Variants in CCN2 observed in about 807,000 individuals in gnomAD.
CCN2 encodes the protein CCN family member 2.
A neutral mutation model predicts 33.2 loss-of-function variants in CCN2; 22 were observed. The observed-to-expected ratio is 0.66, with a 90% CI of 0.47 to 0.95. The LOEUF is 0.95. Among genes scored for constraint, CCN2 ranks in the 40% least tolerant of loss-of-function variants. The pLI is 0.00. For synonymous variants in CCN2, 178 were observed against 200.6 expected, an observed-to-expected ratio of 0.89 and a Z score of 0.95; for missense variants, 469 against 498.8, an observed-to-expected ratio of 0.94 and a Z score of 0.57.
At position 131,949,264 on chromosome 6, in the gene CCN2, T is replaced by C; in HGVS notation, c.1050A>G (p.Ter350TrpextTer16). The C allele has an allele frequency of 6.2e-7, 1 of 1,612,684 alleles. No individual in the cohort carries two copies. Residue 350 changes from the stop codon to tryptophan, a stop_lost, in exon 5 of 5, where the codon TGA becomes TGG. Coordinates refer to ENST00000367976, the MANE Select transcript of CCN2 (RefSeq NM_001901.4). ...YYRKMYGDMA[*>W] ...AGTTAATGTCTCTCACTCTCTGGCT[T>C]CATGCCATGTCTCCGTACATCTTCC... is the stretch of plus-strand genomic sequence containing the variant.
chr6:131,949,589 A>C, intron 4 of CCN2, 29 bp from the exon 5 acceptor site: 17 of 229,368 alleles, frequency 7.4e-5, no homozygotes, highest in East Asian at 3.4e-4. Context: ...AAGAGAGAGG[A>C]AAAAAAAAAA....
In CCN2 at chr6:131,950,720, G is replaced by C; in HGVS notation, c.289+50C>G. 1 of 1,489,220 alleles carries C rather than the reference G, an allele frequency of 6.7e-7. No individual in the cohort carries two copies. Among genetic ancestry groups the C allele is most frequent in the African/African-American group, 1.4e-5 (1 of 72,596 alleles). 92.3% of individuals were successfully genotyped at this position (1,489,220 alleles called of 1,614,324 possible). ...TTCTTTTTCCAGCGGGCGGGTGGGC[G>C]TGAGGGAGGAGGCGGCCGGACACCT... On this transcript the variant is annotated intron_variant, in intron 2 of 4. Coordinates refer to ENST00000367976, the MANE Select transcript of CCN2 (RefSeq NM_001901.4). This position sits in a 1 kb window ranked among gnomAD's most constrained non-coding sequence, Gnocchi z 7.1.
At position 131,949,623 on chromosome 6, in the gene CCN2, G is replaced by A. The variant is rs1783072236; in HGVS notation, c.754-63C>T. On this transcript the variant is annotated intron_variant, in intron 4 of 4. Coordinates refer to ENST00000367976, the MANE Select transcript of CCN2 (RefSeq NM_001901.4). The stretch of plus-strand genomic sequence containing the variant: ...AATCAGCGACTCTACAAGAGGAGTG[G>A]CTTTCTTCAACCCTCTGTGTTTTAG... The A allele has an allele frequency of 2.8e-6, 4 of 1,435,798 alleles. No individual in the cohort carries two copies. In the South Asian group the frequency reaches 4.9e-5, roughly 18 times the overall value. The allele number at this position is 1,435,798 out of a possible 1,614,324, so 88.9% of individuals were successfully genotyped here. A position where few individuals can be genotyped will look rare whatever the true frequency, so the allele number is the denominator to read the frequency against.
Position 131,950,879 on chromosome 6 carries a change from G to A in CCN2, c.180C>T (p.Cys60=), listed in dbSNP as rs1783098102. Residue 60 remains cysteine, a synonymous_variant, in exon 2 of 5, where the codon TGC becomes TGT. Coordinates refer to ENST00000367976, the MANE Select transcript of CCN2 (RefSeq NM_001901.4). The surrounding 1 kb of genome is among the most constrained non-coding windows in gnomAD (Gnocchi z 7.1). The part of the protein sequence containing the change: ...VLDGCGCCRV[C]AKQLGELCTE... Reference sequence around the variant, plus strand: ...TGCACAGCTCGCCCAGCTGCTTGGCGCAGACGCGGCAGCAGCCGCAGCCGT... The same window carrying A: ...TGCACAGCTCGCCCAGCTGCTTGGCACAGACGCGGCAGCAGCCGCAGCCGT... 3.3e-6 allele frequency: 5 copies of A among 1,530,916 alleles called. No individual in the cohort carries two copies. Among genetic ancestry groups the A allele is most frequent in the Non-Finnish European group, 4.4e-6 (5 of 1,145,538 alleles). 94.8% of individuals were successfully genotyped at this position (1,530,916 alleles called of 1,614,324 possible). A position where few individuals can be genotyped will look rare whatever the true frequency, so the allele number is the denominator to read the frequency against.
chr6:131,950,677 A>T lies in CCN2; in HGVS notation c.289+93T>A. On this transcript the variant is annotated intron_variant, in intron 2 of 4. Coordinates refer to ENST00000367976, the MANE Select transcript of CCN2 (RefSeq NM_001901.4). This position sits in a 1 kb window ranked among gnomAD's most constrained non-coding sequence, Gnocchi z 7.1. ...GCGGGCTGGCAGCAGCTGGAGAAAGAAACTCAGTCCGAGCGGTTTCTTTTT... is the reference window on the plus strand; with the variant it reads ...GCGGGCTGGCAGCAGCTGGAGAAAGTAACTCAGTCCGAGCGGTTTCTTTTT... The T allele has an allele frequency of 6.7e-7, 1 of 1,493,442 alleles. No homozygotes were observed. The highest frequency in any genetic ancestry group is 1.3e-5 in the South Asian group (1 of 77,306). The allele number at this position is 1,493,442 out of a possible 1,614,324, so 92.5% of individuals were successfully genotyped here. A position where few individuals can be genotyped will look rare whatever the true frequency, so the allele number is the denominator to read the frequency against.
rs1224997581 is a variant in CCN2 at position 131,948,683 on chromosome 6, T to A, written c.*581A>T. 6.4e-6 allele frequency: 1 copy of A among 157,252 alleles called. No individual in the cohort carries two copies. The highest frequency in any genetic ancestry group is 2.4e-5 in the African/African-American group (1 of 41,370). 9.7% of individuals were successfully genotyped at this position (157,252 alleles called of 1,614,324 possible). A position where few individuals can be genotyped will look rare whatever the true frequency, so the allele number is the denominator to read the frequency against. ...CACACAATATTTACAATATAAATTT[T>A]AAAAAATCTGGCTTGTTACAGGCAA... On this transcript the variant is annotated 3_prime_UTR_variant, in exon 5 of 5. Transcript: ENST00000367976.
rs73779159 is a variant in CCN2 at position 131,948,644 on chromosome 6, C to T, written c.*620G>A. ...ATAACTGTACATATATATATATATA[C>T]ACACACACACACACACACAATATTT... On this transcript the variant is annotated 3_prime_UTR_variant, in exon 5 of 5. Transcript: ENST00000367976. 1,238 of 110,026 alleles carry T rather than the reference C, an allele frequency of 0.011. 16 individuals are homozygous for T. The highest frequency in any genetic ancestry group is 0.041 in the African/African-American group (1,034 of 25,530). 6.8% of individuals were successfully genotyped at this position (110,026 alleles called of 1,614,324 possible). A position where few individuals can be genotyped will look rare whatever the true frequency, so the allele number is the denominator to read the frequency against.
chr6:131,949,624 C>T lies in CCN2; in HGVS notation c.754-64G>A, dbSNP rs556433968. 14 of 1,413,728 alleles carry T rather than the reference C, an allele frequency of 9.9e-6. No homozygotes were observed. The Admixed American group carries it at 1.7e-4, about 17-fold the overall frequency. The allele number at this position is 1,413,728 out of a possible 1,614,324, so 87.6% of individuals were successfully genotyped here. Reference sequence around the variant, plus strand: ...ATCAGCGACTCTACAAGAGGAGTGGCTTTCTTCAACCCTCTGTGTTTTAGT... The same window carrying T: ...ATCAGCGACTCTACAAGAGGAGTGGTTTTCTTCAACCCTCTGTGTTTTAGT... On this transcript the variant is annotated intron_variant, in intron 4 of 4. Transcript: ENST00000367976.
chr6:131,951,315 G>C lies in CCN2; in HGVS notation c.-143C>G. 1 of 621,708 alleles carries C rather than the reference G, an allele frequency of 1.6e-6. No homozygotes were observed. The highest frequency in any genetic ancestry group is 3.8e-5 in the East Asian group (1 of 26,268). 38.5% of individuals were successfully genotyped at this position (621,708 alleles called of 1,614,324 possible). ...GCTGTCGGCCGGGGCGGCTGCCGTC[G>C]AGCTGGAGGGTGGAGTCGCACTGGC... On this transcript the variant is annotated 5_prime_UTR_variant, in exon 1 of 5. Transcript: ENST00000367976.
Position 131,948,926 on chromosome 6 carries a change from T to G in CCN2, c.*338A>C, listed in dbSNP as rs1783057741. On this transcript the variant is annotated 3_prime_UTR_variant, in exon 5 of 5. Transcript: ENST00000367976. ...TTTTCCTTCTCAATTACACTTCAAA[T>G]AGCAGGCATATTACTCGTATAAGAT... 1 of 288,760 alleles carries G rather than the reference T, an allele frequency of 3.5e-6. No homozygotes were observed. Among genetic ancestry groups the G allele is most frequent in the African/African-American group, 2.1e-5 (1 of 46,736 alleles). The allele number at this position is 288,760 out of a possible 1,614,324, so 17.9% of individuals were successfully genotyped here. A position where few individuals can be genotyped will look rare whatever the true frequency, so the allele number is the denominator to read the frequency against.
In CCN2 at chr6:131,948,820, T is replaced by G. The variant is rs947068677; in HGVS notation, c.*444A>C. The G allele has an allele frequency of 1.1e-5, 2 of 188,264 alleles. No homozygotes were observed. The highest frequency in any genetic ancestry group is 4.6e-5 in the African/African-American group (2 of 43,340). The allele number at this position is 188,264 out of a possible 1,614,324, so 11.7% of individuals were successfully genotyped here. A position where few individuals can be genotyped will look rare whatever the true frequency, so the allele number is the denominator to read the frequency against. On this transcript the variant is annotated 3_prime_UTR_variant, in exon 5 of 5. Coordinates refer to ENST00000367976, the MANE Select transcript of CCN2 (RefSeq NM_001901.4). ...CTGCTGTTCTGACTTAAGGAACAAC[T>G]TGACTCAGTCTCTTGATGGCTGGAG...
chr6:131,950,869 G>T lies in CCN2; in HGVS notation c.190C>A (p.Leu64Met), dbSNP rs1220165793. 1 of 1,532,828 alleles carries T rather than the reference G, an allele frequency of 6.5e-7. No homozygotes were observed. The highest frequency in any genetic ancestry group is 2.0e-5 in the Admixed American group (1 of 50,924). The allele number at this position is 1,532,828 out of a possible 1,614,324, so 95.0% of individuals were successfully genotyped here. ...TCGCGCTCGGTGCACAGCTCGCCCA[G>T]CTGCTTGGCGCAGACGCGGCAGCAG... ...CGCCRVCAKQ[L>M]GELCTERDPC... Residue 64 changes from leucine to methionine, a missense_variant, in exon 2 of 5, where the codon CTG becomes ATG. Coordinates refer to ENST00000367976, the MANE Select transcript of CCN2 (RefSeq NM_001901.4). The surrounding 1 kb of genome is among the most constrained non-coding windows in gnomAD (Gnocchi z 7.1).
At position 131,949,943 on chromosome 6, in the gene CCN2, A is replaced by ATGTACCTT; in HGVS notation, c.751_753+5dup. 6.2e-7 allele frequency: 1 copy of ATGTACCTT among 1,614,058 alleles called. No individual in the cohort carries two copies. The highest frequency in any genetic ancestry group is 1.1e-5 in the South Asian group (1 of 91,062). ...GAAAAATAGTTAATAGGAGCAGAAC[A>ATGTACCTT]TGTACCTTAATGTTCTCTTCCAGGT... On this transcript the variant is annotated splice_donor_region_variant and intron_variant, in intron 4 of 4. Coordinates refer to ENST00000367976, the MANE Select transcript of CCN2 (RefSeq NM_001901.4).
At position 131,949,150 on chromosome 6, in the gene CCN2, G is replaced by C; in HGVS notation, c.*114C>G. 4 of 960,372 alleles carry C rather than the reference G, an allele frequency of 4.2e-6. No homozygotes were observed. The highest frequency in any genetic ancestry group is 6.3e-6 in the Non-Finnish European group (4 of 630,858). 59.5% of individuals were successfully genotyped at this position (960,372 alleles called of 1,614,324 possible). ...AATTGGGTGGGAATCTTTTCCCCCA[G>C]TTAGAAAAACAGATTTAAATAACTT... On this transcript the variant is annotated 3_prime_UTR_variant, in exon 5 of 5. Coordinates refer to ENST00000367976, the MANE Select transcript of CCN2 (RefSeq NM_001901.4).
At position 131,951,362 on chromosome 6, in the gene CCN2, A is replaced by G; in HGVS notation, c.-190T>C. ...TGGCTGTCTCCTCTCAGCGGGGAAG[A>G]GTTGTTGTGTGAGTTTGGGGCGGGC... On this transcript the variant is annotated 5_prime_UTR_variant, in exon 1 of 5. Coordinates refer to ENST00000367976, the MANE Select transcript of CCN2 (RefSeq NM_001901.4). 4.6e-6 allele frequency: 2 copies of G among 437,190 alleles called. No individual in the cohort carries two copies. The highest frequency in any genetic ancestry group is 4.0e-5 in the East Asian group (1 of 25,186). The allele number at this position is 437,190 out of a possible 1,614,324, so 27.1% of individuals were successfully genotyped here.
rs1345256662 is a variant in CCN2, at chr6:131,950,746, A to G, written c.289+24T>C. On this transcript the variant is annotated intron_variant, in intron 2 of 4. Coordinates refer to ENST00000367976, the MANE Select transcript of CCN2 (RefSeq NM_001901.4). This position sits in a 1 kb window ranked among gnomAD's most constrained non-coding sequence, Gnocchi z 7.1. Reference sequence around the variant, plus strand: ...TGAGGGAGGAGGCGGCCGGACACCTAGCGGTGGGGGCTGCGGGTCTTACCG... The same window carrying G: ...TGAGGGAGGAGGCGGCCGGACACCTGGCGGTGGGGGCTGCGGGTCTTACCG... The G allele has an allele frequency of 2.0e-6, 3 of 1,522,382 alleles. No homozygotes were observed. In the South Asian group the frequency reaches 3.7e-5, roughly 19 times the overall value. 94.3% of individuals were successfully genotyped at this position (1,522,382 alleles called of 1,614,324 possible).
Position 131,950,092 on chromosome 6 carries a change from T to C in CCN2, c.610A>G (p.Thr204Ala). Reference sequence around the variant, plus strand: ...GTCTTGGAACAGGCGCTCCACTCTGTGGTCTGGACCAGGCAGTTGGCTCTA... The same window carrying C: ...GTCTTGGAACAGGCGCTCCACTCTGCGGTCTGGACCAGGCAGTTGGCTCTA... ...MIRANCLVQT[T>A]EWSACSKTCG... The change falls in exon 4 of 5, where the codon ACA becomes GCA. Residue 204 changes from threonine (T) to alanine (A), a missense_variant. Coordinates refer to ENST00000367976, the MANE Select transcript of CCN2 (RefSeq NM_001901.4). The surrounding 1 kb of genome is among the most constrained non-coding windows in gnomAD (Gnocchi z 7.1). 1 of 1,614,244 alleles carries C rather than the reference T, an allele frequency of 6.2e-7. No individual in the cohort carries two copies. Among genetic ancestry groups the C allele is most frequent in the South Asian group, 1.1e-5 (1 of 91,086 alleles).
chr6:131,950,167 G>C lies in CCN2; in HGVS notation c.542-7C>G. 6.2e-7 allele frequency: 1 copy of C among 1,614,230 alleles called. No homozygotes were observed. Among genetic ancestry groups the C allele is most frequent in the Non-Finnish European group, 8.5e-7 (1 of 1,180,044 alleles). On this transcript the variant is annotated splice_polypyrimidine_tract_variant and splice_region_variant and intron_variant, in intron 3 of 4. Coordinates refer to ENST00000367976, the MANE Select transcript of CCN2 (RefSeq NM_001901.4). This position sits in a 1 kb window ranked among gnomAD's most constrained non-coding sequence, Gnocchi z 7.1. ...GTGTCTTCCAGTCGGTAAGCTGCGAGAGCAGAGCACACAAACACCATGTAA... is the reference window on the plus strand; with the variant it reads ...GTGTCTTCCAGTCGGTAAGCTGCGACAGCAGAGCACACAAACACCATGTAA...
chr6:131,949,366 G>C lies in CCN2; in HGVS notation c.948C>G (p.Asn316Lys). The change falls in exon 5 of 5, where the codon AAC (asparagine) becomes AAG (lysine). Residue 316 changes from asparagine to lysine, a missense_variant. Asn to Lys is a moderately conservative substitution (Grantham distance 94). Coordinates refer to ENST00000367976, the MANE Select transcript of CCN2 (RefSeq NM_001901.4). The part of the protein sequence containing the change: ...KCPDGEVMKK[N>K]MMFIKTCACH... ...AGGCACAGGTCTTGATGAACATCAT[G>C]TTCTTCTTCATGACCTCGCCGTCAG... is the stretch of plus-strand genomic sequence containing the variant. 1 of 1,614,194 alleles carries C rather than the reference G, an allele frequency of 6.2e-7. No individual in the cohort carries two copies. Among genetic ancestry groups the C allele is most frequent in the Non-Finnish European group, 8.5e-7 (1 of 1,180,046 alleles).
Sources: allele counts gnomAD v4.1 joint callset, GRCh38; gene constraint gnomAD v4.1.1; non-coding constraint Gnocchi (gnomAD v3.1); transcripts MANE v1.5; gene names NCBI Gene and HGNC (gene_info 2026-07-23, HGNC 2026-07-21).